Variants in SFXN2 observed in about 807,000 individuals in gnomAD.
SFXN2 encodes sideroflexin-2.
A neutral mutation model predicts 41.9 loss-of-function variants in SFXN2; 37 were observed. The observed-to-expected ratio is 0.88, with a 90% CI of 0.68 to 1.16. The LOEUF is 1.16. Among genes scored for constraint, SFXN2 ranks in the 50% most tolerant of loss-of-function variants. SFXN2 has a pLI of 0.00. For missense variants in SFXN2, 386 were observed against 425.2 expected, an observed-to-expected ratio of 0.91 and a Z score of 0.81; for synonymous variants, 150 against 156.7, an observed-to-expected ratio of 0.96 and a Z score of 0.32.
intron 8 of SFXN2, 79 bp downstream of exon 8, chr10:102,732,297 G>C: frequency 7.5e-7 from 1 of 1,327,660 alleles, no homozygotes; most frequent in Non-Finnish European, 1.1e-6. Context: ...GCTTTTGGGT[G>C]GGAGGTGGGG....
At position 102,733,693 on chromosome 10, in the gene SFXN2, C is replaced by T. The variant is rs1310723242; in HGVS notation, c.821+90C>T. ...TCTAGCCCGTGTTGGAGAACGTGTA[C>T]TCCTTTACCTGACTTTAAAAGTGGT... On this transcript the variant is annotated intron_variant, in intron 10 of 11. Coordinates refer to ENST00000369893, the MANE Select transcript of SFXN2 (RefSeq NM_178858.6). 3.8e-6 allele frequency: 4 copies of T among 1,046,412 alleles called. No homozygotes were observed. In the East Asian group the frequency reaches 9.5e-5, roughly 25 times the overall value. The allele number at this position is 1,046,412 out of a possible 1,614,324, so 64.8% of individuals were successfully genotyped here.
chr10:102,729,511 C>T, intron 5 of SFXN2, 117 bp downstream of exon 5: 1 of 1,284,044 alleles, frequency 7.8e-7, no homozygotes, highest in South Asian at 1.4e-5. Flanking sequence ...TGGCCAGAGC[C>T]CGGCTGGCCA....
At chr10:102,717,546 G>A (rs576683998) in intron 1 of SFXN2, among the ~76,000 whole-genome samples, 1 of 152,184 alleles carries the variant, frequency 6.6e-6, no homozygotes, top group Non-Finnish European at 1.5e-5. Context: ...CCCTGGACAT[G>A]ATGATGACCT....
Position 102,727,031 on chromosome 10 carries a change from A to G in SFXN2, c.206A>G (p.Tyr69Cys). 1 of 1,606,032 alleles carries G rather than the reference A, an allele frequency of 6.2e-7. No homozygotes were observed. The highest frequency in any genetic ancestry group is 1.1e-5 in the South Asian group (1 of 90,908). Residue 69 changes from tyrosine (Y) to cysteine (C), a missense_variant, in exon 3 of 12, where the codon TAT (tyrosine) becomes TGT (cysteine). Coordinates refer to ENST00000369893, the MANE Select transcript of SFXN2 (RefSeq NM_178858.6). ...PPGTQVEQLLYAKKLYDSAFH... is the reference protein window; with the variant it reads ...PPGTQVEQLLCAKKLYDSAFH... ...GGCACCCAAGTGGAGCAGCTGCTGT[A>G]TGCCAAGAAGCTGTATGACTCGGCC...
intron 11 of SFXN2, among the ~76,000 whole-genome samples, chr10:102,736,855 G>A (rs1449261259): frequency 6.6e-6 from 1 of 150,494 alleles, no homozygotes; most frequent in Non-Finnish European, 1.5e-5. Flanking sequence ...CCCGTTGGTC[G>A]TTAACATTAA....
rs577987319 is a variant in SFXN2 at position 102,733,575 on chromosome 10, C to T, written c.793C>T (p.Pro265Ser). 6 of 1,614,024 alleles carry T rather than the reference C, an allele frequency of 3.7e-6. No individual in the cohort carries two copies. In the East Asian group the frequency reaches 1.3e-4, roughly 36 times the overall value. Residue 265 changes from proline (P) to serine (S), a missense_variant, in exon 10 of 12, where the codon CCA becomes TCA. Coordinates refer to ENST00000369893, the MANE Select transcript of SFXN2 (RefSeq NM_178858.6). ...ACAGAAAGTCAAGGTCCTGCACGCC[C>T]CATTGCAGGTCATGCTGAGCGGGTG... Reference protein sequence around the residue: ...FMQKVKVLHAPLQVMLSGCFL... With the variant: ...FMQKVKVLHASLQVMLSGCFL...
At chr10:102,723,931 C>T (rs1296277406) in intron 1 of SFXN2, among the ~76,000 whole-genome samples, 1 of 152,160 alleles carries the variant, frequency 6.6e-6, no homozygotes, top group Non-Finnish European at 1.5e-5. Context: ...CACCCAGCTA[C>T]TAAGTTTAGT....
Position 102,731,851 on chromosome 10 carries a change from G to A in SFXN2, c.654+68G>A, listed in dbSNP as rs545662988. ...TCTCATACCCTGTCCCCTCCTTAGTGGTCAGAGTAGGCACCAATATAGGAT... is the reference window on the plus strand; with the variant it reads ...TCTCATACCCTGTCCCCTCCTTAGTAGTCAGAGTAGGCACCAATATAGGAT... On this transcript the variant is annotated intron_variant, in intron 7 of 11. Transcript: ENST00000369893. 1.3e-5 allele frequency: 18 copies of A among 1,396,092 alleles called. No individual in the cohort carries two copies. The South Asian group carries it at 1.9e-4, about 15-fold the overall frequency. 86.5% of individuals were successfully genotyped at this position (1,396,092 alleles called of 1,614,324 possible).
In SFXN2 at chr10:102,742,708, G is replaced by A. The variant is rs1842803580; in HGVS notation, c.*4946G>A. 1 of 151,992 alleles carries A rather than the reference G, an allele frequency of 6.6e-6. No individual in the cohort carries two copies. Among genetic ancestry groups the A allele is most frequent in the African/African-American group, 2.4e-5 (1 of 41,368 alleles). The allele number at this position is 151,992 out of a possible 1,614,324, so 9.4% of individuals were successfully genotyped here. A position where few individuals can be genotyped will look rare whatever the true frequency, so the allele number is the denominator to read the frequency against. On this transcript the variant is annotated 3_prime_UTR_variant, in exon 12 of 12. Transcript: ENST00000369893. ...TGGTTTCAAACTCCTGAGCTCAAGG[G>A]ATCTACCTGCCTCAGCCTCCCAAAG...
At position 102,729,749 on chromosome 10, in the gene SFXN2, G is replaced by A. The variant is rs2064672241; in HGVS notation, c.534G>A (p.Trp178Ter). Residue 178 changes from tryptophan to a stop codon, truncating the protein, a stop_gained, in exon 6 of 12, where the codon TGG becomes TGA. Transcript: ENST00000369893. LOFTEE classifies it high-confidence loss of function. ...TKKAPPLVGRWVPFAAVAAAN... is the reference protein window; with the variant it reads ...TKKAPPLVGR ...AAGCGCCGCCCTTGGTGGGCCGCTG[G>A]GTGCCCTTTGCCGCTGTGGCTGCGG... 2 of 1,613,910 alleles carry A rather than the reference G, an allele frequency of 1.2e-6. No homozygotes were observed. Among genetic ancestry groups the A allele is most frequent in the African/African-American group, 2.7e-5 (2 of 74,930 alleles).
chr10:102,720,032 G>A (rs1291696702), intron 1 of SFXN2, among the ~76,000 whole-genome samples: 1 of 152,160 alleles, frequency 6.6e-6, no homozygotes, highest in Non-Finnish European at 1.5e-5. Context: ...GCTCACGCCT[G>A]TAATCCCAAC....
At chr10:102,728,391 C>A in intron 3 of SFXN2, 40 bp from the exon 4 acceptor site, 1 of 1,570,450 alleles carries the variant, frequency 6.4e-7, no homozygotes, top group Non-Finnish European at 8.8e-7. Context: ...TCCCTGCCAT[C>A]TGACTTCTCT....
intron 9 of SFXN2, 45 bp downstream of exon 9, chr10:102,732,953 C>T (rs2064725006): frequency 6.2e-7 from 1 of 1,600,096 alleles, no homozygotes; most frequent in African/African-American, 1.3e-5. Context: ...AGAGTGCGTC[C>T]AGCCACATCT....
Position 102,727,054 on chromosome 10 carries a change from G to A in SFXN2, c.229G>A (p.Ala77Thr). 6.2e-7 allele frequency: 1 copy of A among 1,610,190 alleles called. No homozygotes were observed. Among genetic ancestry groups the A allele is most frequent in the Non-Finnish European group, 8.5e-7 (1 of 1,176,790 alleles). ...GTATGCCAAGAAGCTGTATGACTCG[G>A]CCTTCCACCCCGACACTGGGGAGAA... ...LLYAKKLYDS[A>T]FHPDTGEKMN... The change falls in exon 3 of 12, where the codon GCC becomes ACC. Residue 77 changes from alanine to threonine, a missense_variant. By Grantham distance (58) the Ala-to-Thr change is moderately conservative (BLOSUM62 0). Transcript: ENST00000369893.
intron 1 of SFXN2, among the ~76,000 whole-genome samples, chr10:102,718,781 C>T (rs985694067): frequency 2.0e-5 from 3 of 152,146 alleles, no homozygotes; most frequent in Non-Finnish European, 4.4e-5. Context: ...CAACACTGTC[C>T]CTTCTGCCTC....
At position 102,741,693 on chromosome 10, in the gene SFXN2, C is replaced by T. The variant is rs528960011; in HGVS notation, c.*3931C>T. ...GTGTTGGGATTACAGGCGTGAGCCA[C>T]TACATCCCACCTGGGGTTTCTTAGT... On this transcript the variant is annotated 3_prime_UTR_variant, in exon 12 of 12. Coordinates refer to ENST00000369893, the MANE Select transcript of SFXN2 (RefSeq NM_178858.6). 1 of 152,232 alleles carries T rather than the reference C, an allele frequency of 6.6e-6. No homozygotes were observed. Among genetic ancestry groups the T allele is most frequent in the African/African-American group, 2.4e-5 (1 of 41,456 alleles). 9.4% of individuals were successfully genotyped at this position (152,232 alleles called of 1,614,324 possible). A position where few individuals can be genotyped will look rare whatever the true frequency, so the allele number is the denominator to read the frequency against.
chr10:102,736,423 ATTTTTTTTT>A (rs35797507), intron 11 of SFXN2, among the ~76,000 whole-genome samples: 5 of 124,784 alleles, frequency 4.0e-5, no homozygotes, highest in African/African-American at 1.6e-4. Context: ...TGCCCAGCTC[ATTTTTTTTT>A]TTTTTTTTGA....
At position 102,729,260 on chromosome 10, in the gene SFXN2, C is replaced by T. The variant is rs2064661545; in HGVS notation, c.432-59C>T. Reference sequence around the variant, plus strand: ...GCCAGCCGACTTTCTCCCTGAAGCCCGTGGTTTGGCCCTCAGCCGGCAGGG... The same window carrying T: ...GCCAGCCGACTTTCTCCCTGAAGCCTGTGGTTTGGCCCTCAGCCGGCAGGG... On this transcript the variant is annotated intron_variant, in intron 4 of 11. Coordinates refer to ENST00000369893, the MANE Select transcript of SFXN2 (RefSeq NM_178858.6). 12 of 1,550,100 alleles carry T rather than the reference C, an allele frequency of 7.7e-6. 1 individual carries two copies. The highest frequency in any genetic ancestry group is 3.4e-4 in the Middle Eastern group (2 of 5,902).
In SFXN2 at chr10:102,726,800, G is replaced by T. The variant is rs917200663; in HGVS notation, c.161+3G>T. ...AAGGTGATGGTGGAGAAGAGCAGGTGAGGGGTCGGGGAAGGGGCTGGAAGT... is the reference window on the plus strand; with the variant it reads ...AAGGTGATGGTGGAGAAGAGCAGGTTAGGGGTCGGGGAAGGGGCTGGAAGT... On this transcript the variant is annotated splice_donor_region_variant and intron_variant, in intron 2 of 11. Transcript: ENST00000369893. The T allele has an allele frequency of 6.2e-7, 1 of 1,614,178 alleles. No individual in the cohort carries two copies. Among genetic ancestry groups the T allele is most frequent in the Admixed American group, 1.7e-5 (1 of 60,008 alleles).
Sources: allele counts gnomAD v4.1 joint callset (sites outside exome capture counted in the v4.1 genomes callset), GRCh38; gene constraint gnomAD v4.1.1; transcripts MANE v1.5; gene names NCBI Gene and HGNC (gene_info 2026-07-23, HGNC 2026-07-21).